The following TUBA4B variants were observed in gnomAD, a reference collection of about 807,000 sequenced individuals.
TUBA4B encodes the protein tubulin-like protein alpha-4B.
A neutral mutation model predicts 18.4 loss-of-function variants in TUBA4B; 13 were observed. That is an observed-to-expected ratio of 0.71 (90% CI 0.46 to 1.12). The LOEUF (loss-of-function observed/expected upper bound fraction) is 1.12. Among genes scored for constraint, TUBA4B ranks in the 50% most tolerant of loss-of-function variants. TUBA4B has a pLI of 0.00. For synonymous variants in TUBA4B, 101 were observed against 99.1 expected (o/e 1.02, Z -0.11); for missense variants, 244 against 250.0 (o/e 0.98, Z 0.16).
At chr2:219,253,835 C>A in intron 1 of TUBA4B, 1 of 1,517,598 alleles carries the variant, frequency 6.6e-7, no homozygotes. Flanking sequence ...ACAGGCGCGA[C>A]CCCGGCCGGG....
chr2:219,255,083 C>T (rs1355229205), intron 1 of TUBA4B, among the ~76,000 whole-genome samples: 1 of 152,098 alleles, frequency 6.6e-6, no homozygotes, highest in Admixed American at 6.6e-5. Flanking sequence ...CAGTGTCTTG[C>T]TGTGTCACCC....
intron 1 of TUBA4B, among the ~76,000 whole-genome samples, chr2:219,258,906 C>T (rs1951741178): frequency 6.6e-6 from 1 of 151,858 alleles, no homozygotes; most frequent in Admixed American, 6.6e-5. Context: ...TTTATGATAC[C>T]CTGGCCACTG....
chr2:219,271,290 T>G lies in TUBA4B; in HGVS notation c.317T>G (p.Leu106Arg), dbSNP rs1256466554. The change falls in exon 4 of 4, where the codon CTG becomes CGG. Residue 106 changes from leucine (L) to arginine (R), a missense_variant. Leu to Arg is a moderately radical substitution (Grantham distance 102). Transcript: ENST00000490341. ...LSVNYGKKSK[L>R]GFSIYPAPQV... ...GTTAACTATGGCAAGAAATCCAAGC[T>G]GGGATTCTCCATCTACCCAGCCCCC... 3 of 1,546,808 alleles carry G rather than the reference T, an allele frequency of 1.9e-6. No homozygotes were observed. Among genetic ancestry groups the G allele is most frequent in the Non-Finnish European group, 2.7e-6 (3 of 1,118,978 alleles).
intron 1 of TUBA4B, chr2:219,253,918 C>T (rs933714385): frequency 7.5e-6 from 10 of 1,338,236 alleles, no homozygotes; most frequent in Non-Finnish European, 9.7e-6. Flanking sequence ...GTGAGAACTG[C>T]GCTAGCTGCA....
Position 219,253,356 on chromosome 2 carries a change from G to A in TUBA4B, c.-52G>A, listed in dbSNP as rs543921349. ...CTCAGACGCGGGGTGCTGAGTCACG[G>A]GGGGGGGGTGGTTCTGTGGATAGTT... On this transcript the variant is annotated 5_prime_UTR_variant, in exon 1 of 4. Transcript: ENST00000490341. 1 of 1,462,320 alleles carries A rather than the reference G, an allele frequency of 6.8e-7. No homozygotes were observed. The highest frequency in any genetic ancestry group is 2.0e-5 in the Admixed American group (1 of 49,842). The allele number at this position is 1,462,320 out of a possible 1,614,324, so 90.6% of individuals were successfully genotyped here.
rs3731892 is a variant in TUBA4B, at chr2:219,271,629, G to A, written c.656G>A (p.Arg219Lys). Residue 219 changes from arginine (R) to lysine (K), a missense_variant, in exon 4 of 4, where the codon AGG (arginine) becomes AAG (lysine). Arg to Lys is a conservative substitution (Grantham distance 26). Transcript: ENST00000490341. ...PPMHQSSLQKRYTTSSCWWQR... is the reference protein window; with the variant it reads ...PPMHQSSLQKKYTTSSCWWQR... The stretch of plus-strand genomic sequence containing the variant: ...ATGCACCAGTCATCTCTGCAGAAAA[G>A]GTATACCACGAGCAGCTGTTGGTGG... 1,312,502 of 1,613,900 alleles carry A rather than the reference G, an allele frequency of 0.81. 555,842 individuals carry two copies. Among genetic ancestry groups the A allele is most frequent in the Non-Finnish European group, 0.88 (1,042,656 of 1,179,904 alleles).
At chr2:219,263,515 T>C (rs1951771649) in intron 1 of TUBA4B, among the ~76,000 whole-genome samples, 1 of 152,250 alleles carries the variant, frequency 6.6e-6, no homozygotes, top group African/African-American at 2.4e-5. Context: ...GTTTTCTTTT[T>C]GGAGTTGGTG....
rs1951822876 is a variant in TUBA4B at position 219,271,242 on chromosome 2, C to T, written c.269C>T (p.Ser90Leu). The change falls in exon 4 of 4, where the codon TCA (serine) becomes TTA (leucine). Residue 90 changes from serine to leucine, a missense_variant. Coordinates refer to ENST00000490341, the MANE Select transcript of TUBA4B (RefSeq NM_001355221.1). ...CGGGGCACTGGCTCTGACGTCACCT[C>T]ATTCCTGATGGAGTGGCTTTCTGTT... ...LGRGTGSDVT[S>L]FLMEWLSVNY... 4.5e-6 allele frequency: 6 copies of T among 1,319,582 alleles called. No individual in the cohort carries two copies. The highest frequency in any genetic ancestry group is 6.6e-6 in the Non-Finnish European group (6 of 911,778). 81.7% of individuals were successfully genotyped at this position (1,319,582 alleles called of 1,614,324 possible).
At chr2:219,267,657 C>T (rs755508292) in intron 2 of TUBA4B, among the ~76,000 whole-genome samples, 10 of 151,456 alleles carry the variant, frequency 6.6e-5, no homozygotes, top group African/African-American at 1.9e-4. Context: ...CTCTGCCTCC[C>T]GGGTTCAAGC....
Position 219,271,279 on chromosome 2 carries a change from G to T in TUBA4B, c.306G>T (p.Lys102Asn). 1 of 1,520,868 alleles carries T rather than the reference G, an allele frequency of 6.6e-7. No individual in the cohort carries two copies. The highest frequency in any genetic ancestry group is 9.1e-7 in the Non-Finnish European group (1 of 1,095,360). The allele number at this position is 1,520,868 out of a possible 1,614,324, so 94.2% of individuals were successfully genotyped here. ...LMEWLSVNYG[K>N]KSKLGFSIYP... Reference sequence around the variant, plus strand: ...AGTGGCTTTCTGTTAACTATGGCAAGAAATCCAAGCTGGGATTCTCCATCT... The same window carrying T: ...AGTGGCTTTCTGTTAACTATGGCAATAAATCCAAGCTGGGATTCTCCATCT... The change falls in exon 4 of 4, where the codon AAG becomes AAT. Residue 102 changes from lysine to asparagine, a missense_variant. By Grantham distance (94) the Lys-to-Asn change is moderately conservative. Coordinates refer to ENST00000490341, the MANE Select transcript of TUBA4B (RefSeq NM_001355221.1).
chr2:219,271,843 A>C lies in TUBA4B; in HGVS notation c.*144A>C. ...TGTGGACTGGTGCCCCACAGGCTTT[A>C]AGGTTGATATCAATCACCAGCCTCC... On this transcript the variant is annotated 3_prime_UTR_variant, in exon 4 of 4. Coordinates refer to ENST00000490341, the MANE Select transcript of TUBA4B (RefSeq NM_001355221.1). The C allele has an allele frequency of 1.3e-6, 2 of 1,549,522 alleles. No homozygotes were observed. Among genetic ancestry groups the C allele is most frequent in the Non-Finnish European group, 1.8e-6 (2 of 1,121,446 alleles).
At chr2:219,257,409 G>A (rs1352008669) in intron 1 of TUBA4B, among the ~76,000 whole-genome samples, 1 of 144,142 alleles carries the variant, frequency 6.9e-6, no homozygotes, top group South Asian at 2.3e-4. Context: ...TTGGGAGGCC[G>A]AGGCAGGTGG....
Position 219,271,423 on chromosome 2 carries a change from C to T in TUBA4B, c.450C>T (p.Asp150=), listed in dbSNP as rs780553091. 6.2e-7 allele frequency: 1 copy of T among 1,614,234 alleles called. No individual in the cohort carries two copies. Among genetic ancestry groups the T allele is most frequent in the Non-Finnish European group, 8.5e-7 (1 of 1,180,050 alleles). The change falls in exon 4 of 4, where the codon GAC becomes GAT. Residue 150 remains aspartate, a synonymous_variant. Transcript: ENST00000490341. ...AFMVDNKAIY[D]ICHCNLDIER... ...TGGTGGACAACAAAGCAATCTATGA[C>T]ATCTGCCACTGCAACCTAGACATCG...
rs902174506 is a variant in TUBA4B at position 219,253,357 on chromosome 2, G to T, written c.-51G>T. Reference sequence around the variant, plus strand: ...TCAGACGCGGGGTGCTGAGTCACGGGGGGGGGGTGGTTCTGTGGATAGTTG... The same window carrying T: ...TCAGACGCGGGGTGCTGAGTCACGGTGGGGGGGTGGTTCTGTGGATAGTTG... On this transcript the variant is annotated 5_prime_UTR_variant, in exon 1 of 4. Coordinates refer to ENST00000490341, the MANE Select transcript of TUBA4B (RefSeq NM_001355221.1). 43 of 1,515,662 alleles carry T rather than the reference G, an allele frequency of 2.8e-5. No individual in the cohort carries two copies. Among genetic ancestry groups the T allele is most frequent in the South Asian group, 8.4e-5 (7 of 83,396 alleles). 93.9% of individuals were successfully genotyped at this position (1,515,662 alleles called of 1,614,324 possible).
At chr2:219,265,688 C>G (rs1008138539) in intron 1 of TUBA4B, among the ~76,000 whole-genome samples, 1 of 152,138 alleles carries the variant, frequency 6.6e-6, no homozygotes, top group Non-Finnish European at 1.5e-5. Flanking sequence ...TAGAGACTAG[C>G]CTTTTTATTT....
At chr2:219,266,297 G>T (rs1437230974) in intron 1 of TUBA4B, 1 of 537,814 alleles carries the variant, frequency 1.9e-6, no homozygotes, top group Non-Finnish European at 3.3e-6. Context: ...TACCTGTGTG[G>T]AGTTACTAGC....
At chr2:219,254,053 C>A (rs1220357681) in intron 1 of TUBA4B, 2 of 503,260 alleles carry the variant, frequency 4.0e-6, no homozygotes, top group Non-Finnish European at 7.0e-6. Context: ...AGGGGCGGAG[C>A]CTGGCCTGGT....
chr2:219,255,221 C>T (rs751609579), intron 1 of TUBA4B, among the ~76,000 whole-genome samples: 1 of 152,172 alleles, frequency 6.6e-6, no homozygotes, highest in East Asian at 1.9e-4. Context: ...GCACCAACAC[C>T]ATGCCCAGCT....
At chr2:219,265,516 A>G (rs1951784647) in intron 1 of TUBA4B, among the ~76,000 whole-genome samples, 1 of 152,168 alleles carries the variant, frequency 6.6e-6, no homozygotes, top group South Asian at 2.1e-4. Context: ...AGGTGTCTGT[A>G]ATCCCAGCTA....
Sources: gnomAD v4.1 joint callset for allele counts (sites outside exome capture counted in the v4.1 genomes callset) on GRCh38, gnomAD v4.1.1 for gene constraint, MANE v1.5 for transcripts, NCBI Gene and HGNC (gene_info 2026-07-23, HGNC 2026-07-21) for gene names.